SPEF2: variants seen among roughly 807,000 people sequenced by gnomAD.
SPEF2 encodes sperm flagellar and cilia associated 2, also known as sperm flagella and cilia-associated protein 2.
A neutral mutation model predicts 224.6 loss-of-function variants in SPEF2; 187 were observed. The observed-to-expected ratio is 0.83, with a 90% CI of 0.74 to 0.94. The LOEUF is 0.94. Ranked by LOEUF, SPEF2 falls within the 40% of genes least tolerant of loss-of-function variation. SPEF2 has a pLI of 0.00. For synonymous variants in SPEF2, 715 were observed against 707.3 expected, an observed-to-expected ratio of 1.01 and a Z score of -0.17; for missense variants, 2,170 against 2,135.6, an observed-to-expected ratio of 1.02 and a Z score of -0.32.
intron 2 of SPEF2, among the ~76,000 whole-genome samples, chr5:35,630,069 A>T (rs1744865943): frequency 6.6e-6 from 1 of 151,932 alleles, no homozygotes; most frequent in Admixed American, 6.6e-5. Flanking sequence ...ATCTCCTTTG[A>T]CTCCATGTCT....
chr5:35,810,354 G>A (rs1758458904), intron 36 of SPEF2, among the ~76,000 whole-genome samples: 1 of 152,098 alleles, frequency 6.6e-6, no homozygotes, highest in Non-Finnish European at 1.5e-5. Flanking sequence ...TGGGATGACA[G>A]GTGCCTGCCA....
chr5:35,677,009 G>T (rs892856405), intron 10 of SPEF2, among the ~76,000 whole-genome samples: 1 of 152,078 alleles, frequency 6.6e-6, no homozygotes, highest in Non-Finnish European at 1.5e-5. Context: ...GCTTTTTGGG[G>T]GTGGCTTATA....
chr5:35,801,395 C>G (rs1197905577), intron 34 of SPEF2, among the ~76,000 whole-genome samples: 2 of 152,106 alleles, frequency 1.3e-5, no homozygotes, highest in African/African-American at 4.8e-5. Context: ...TGCCTGTAGT[C>G]CCAGCTACTC....
At chr5:35,687,505 T>C (rs1006482122) in intron 10 of SPEF2, among the ~76,000 whole-genome samples, 8 of 152,082 alleles carry the variant, frequency 5.3e-5, no homozygotes, top group Non-Finnish European at 1.2e-4. Context: ...TCGCCCAGGC[T>C]GGAGTGCAGT....
chr5:35,791,058 T>G (rs944923775), intron 30 of SPEF2: 3 of 152,180 alleles, frequency 2.0e-5, no homozygotes, highest in Non-Finnish European at 4.4e-5. Flanking sequence ...TTGAGCCTCT[T>G]CACGGTTTCA....
chr5:35,655,632 G>T (rs957483461), intron 7 of SPEF2, among the ~76,000 whole-genome samples: 2 of 152,200 alleles, frequency 1.3e-5, no homozygotes, highest in African/African-American at 4.8e-5. Context: ...GATGGTCGTG[G>T]TGGGGTCAGG....
At chr5:35,793,443 T>C (rs1409308293) in intron 32 of SPEF2, 102 bp downstream of exon 32, 1 of 1,205,390 alleles carries the variant, frequency 8.3e-7, no homozygotes, top group Non-Finnish European at 1.1e-6. Flanking sequence ...GGCCAGTGCA[T>C]TGCTTCTCAG....
chr5:35,657,310 C>G (rs1749095903), intron 7 of SPEF2, among the ~76,000 whole-genome samples: 1 of 152,052 alleles, frequency 6.6e-6, no homozygotes, highest in Admixed American at 6.6e-5. Context: ...TGATATCTTG[C>G]CTACTGATTG....
Position 35,694,162 on chromosome 5 carries a change from C to A in SPEF2, c.1900-126C>A. ...CTGAAACTTTAATCTCCTTTAAAATCATTAATGTTATAGACAAAAAGTATT... is the reference window on the plus strand; with the variant it reads ...CTGAAACTTTAATCTCCTTTAAAATAATTAATGTTATAGACAAAAAGTATT... On this transcript the variant is annotated intron_variant, in intron 12 of 36. Transcript: ENST00000356031. 4.3e-6 allele frequency: 3 copies of A among 699,736 alleles called. 1 individual carries two copies. The allele number at this position is 699,736 out of a possible 1,614,324, so 43.3% of individuals were successfully genotyped here. A position where few individuals can be genotyped will look rare whatever the true frequency, so the allele number is the denominator to read the frequency against.
chr5:35,795,760 C>T lies in SPEF2; in HGVS notation c.4795C>T (p.Pro1599Ser), dbSNP rs764778396. ...AAAAATTCCAGAAAATCCTCTTGAA[C>T]CCCTTCCATTTAATAGGCAGGAGCA... ...DIKIPENPLE[P>S]LPFNRQEHLI... Residue 1599 changes from proline to serine, a missense_variant, in exon 33 of 37, where the codon CCC becomes TCC. Transcript: ENST00000356031. The T allele has an allele frequency of 1.5e-5, 24 of 1,613,784 alleles. No individual in the cohort carries two copies. The highest frequency in any genetic ancestry group is 4.0e-5 in the African/African-American group (3 of 74,922).
At chr5:35,689,821 A>C (rs1462581573) in intron 10 of SPEF2, among the ~76,000 whole-genome samples, 1 of 151,986 alleles carries the variant, frequency 6.6e-6, no homozygotes, top group African/African-American at 2.4e-5. Flanking sequence ...CAGAGGGTAC[A>C]TTTGTCTGCT....
intron 26 of SPEF2, among the ~76,000 whole-genome samples, chr5:35,770,030 C>CGCGT (rs1554053756): frequency 3.5e-5 from 5 of 142,236 alleles, no homozygotes; most frequent in African/African-American, 1.1e-4. Context: ...TGTGCATGTG[C>CGCGT]GTGTGTGTGT....
At chr5:35,634,522 A>G (rs1561104634) in intron 2 of SPEF2, among the ~76,000 whole-genome samples, 1 of 151,966 alleles carries the variant, frequency 6.6e-6, no homozygotes, top group African/African-American at 2.4e-5. Flanking sequence ...AGCTTCTTGG[A>G]TGTGTGGATC....
intron 25 of SPEF2, 137 bp downstream of exon 25, chr5:35,759,856 G>GTTTTT: frequency 1.7e-6 from 1 of 590,050 alleles, no homozygotes. Context: ...AACCAAACAT[G>GTTTTT]TTTTTTTTTT....
chr5:35,692,475 A>G, intron 11 of SPEF2, 95 bp from the exon 12 acceptor site: 1 of 919,992 alleles, frequency 1.1e-6, no homozygotes, highest in Non-Finnish European at 1.7e-6. Flanking sequence ...AGCGGGCCTG[A>G]AAGACAGTGT....
intron 10 of SPEF2, among the ~76,000 whole-genome samples, chr5:35,677,651 T>A (rs979791606): frequency 1.3e-5 from 2 of 152,122 alleles, no homozygotes; most frequent in Non-Finnish European, 2.9e-5. Flanking sequence ...GAACCTATCA[T>A]TTTGGGGTGA....
At chr5:35,639,244 A>G (rs1193962129) in intron 2 of SPEF2, among the ~76,000 whole-genome samples, 1 of 152,148 alleles carries the variant, frequency 6.6e-6, no homozygotes, top group Non-Finnish European at 1.5e-5. Context: ...ACCACGAGTC[A>G]TTGCATTCCC....
At chr5:35,812,399 T>C (rs1162918783) in intron 36 of SPEF2, among the ~76,000 whole-genome samples, 1 of 151,744 alleles carries the variant, frequency 6.6e-6, no homozygotes, top group East Asian at 2.0e-4. Context: ...TAAAGTCACT[T>C]ATTTAATTTC....
chr5:35,789,567 A>G (rs1191900235), intron 30 of SPEF2: 1 of 651,836 alleles, frequency 1.5e-6, no homozygotes, highest in East Asian at 2.7e-5. Context: ...AGGGAAAGAA[A>G]ACATTTCTGC....
Sources: gnomAD v4.1 joint callset for allele counts (sites outside exome capture counted in the v4.1 genomes callset) on GRCh38, gnomAD v4.1.1 for gene constraint, MANE v1.5 for transcripts, NCBI Gene and HGNC (gene_info 2026-07-23, HGNC 2026-07-21) for gene names.